Variants in ZBTB17 observed in about 807,000 individuals in gnomAD.
ZBTB17 encodes the protein zinc finger and BTB domain-containing protein 17.
In ZBTB17, 24 loss-of-function variants were observed where a neutral mutation model predicts 85.1. The ratio of observed to expected loss-of-function variants is 0.28; its 90% CI spans 0.20 to 0.40. The LOEUF (loss-of-function observed/expected upper bound fraction) is 0.40, where lower values mean the gene tolerates loss of function less well. Ranked by LOEUF, ZBTB17 falls within the 10% of genes least tolerant of loss-of-function variation. The pLI, the probability that ZBTB17 is intolerant of heterozygous loss-of-function variation, is 1.00. For synonymous variants in ZBTB17, 464 were observed against 460.2 expected, an observed-to-expected ratio of 1.01 and a Z score of -0.11; for missense variants, 743 against 1,105.1, an observed-to-expected ratio of 0.67 and a Z score of 4.65.
intron 2 of ZBTB17, among the ~76,000 whole-genome samples, chr1:15,949,292 C>T (rs1036521980): frequency 1.3e-5 from 2 of 152,206 alleles, no homozygotes; most frequent in African/African-American, 4.8e-5. Context: ...GCCGAGCAGT[C>T]TTGAACCGCA....
chr1:15,961,108 C>T lies in ZBTB17; in HGVS notation c.-3+11931G>A, dbSNP rs546141150. 8.6e-5 allele frequency among the ~76,000 whole-genome samples: 13 copies of T among 151,838 alleles called. No individual in the cohort carries two copies. The South Asian group carries it at 2.3e-3, about 27-fold the overall frequency. The stretch of plus-strand genomic sequence containing the variant: ...CAGCCTGGGCAACAGAGTGAGACCC[C>T]GTCTCAAAAAAAGAAAAAAGATTTA... On this transcript the variant is annotated intron_variant, in intron 2 of 15. Transcript: ENST00000375743.
At chr1:15,958,303 C>T (rs933427062) in intron 2 of ZBTB17, among the ~76,000 whole-genome samples, 64 of 151,978 alleles carry the variant, frequency 4.2e-4, no homozygotes, top group Non-Finnish European at 5.7e-4. Context: ...CCCAAGTGAC[C>T]TCCCTGCACC....
chr1:15,959,034 A>ACC (rs2148793562), intron 2 of ZBTB17, among the ~76,000 whole-genome samples: 1 of 152,224 alleles, frequency 6.6e-6, no homozygotes, highest in East Asian at 1.9e-4. Context: ...GGATGATGTC[A>ACC]CCCCCAGGTG....
At chr1:15,948,593 AAGAC>A (rs2071708827) in intron 2 of ZBTB17, 96 bp from the exon 3 acceptor site, 1 of 1,302,262 alleles carries the variant, frequency 7.7e-7, no homozygotes, top group Admixed American at 2.4e-5. Flanking sequence ...CACCATGGAG[AAGAC>A]AGAATTAAAA....
rs563409303 is a variant in ZBTB17, at chr1:15,951,126, G to A, written c.-2-2629C>T. Among the ~76,000 whole-genome samples, 107 of 152,340 alleles carry A rather than the reference G, an allele frequency of 7.0e-4. No homozygotes were observed. Among genetic ancestry groups the A allele is most frequent in the African/African-American group, 2.4e-3 (101 of 41,578 alleles). On this transcript the variant is annotated intron_variant, in intron 2 of 15. Coordinates refer to ENST00000375743, the MANE Select transcript of ZBTB17 (RefSeq NM_003443.3). The surrounding 1 kb of genome is among the most constrained non-coding windows in gnomAD (Gnocchi z 4.1). The stretch of plus-strand genomic sequence containing the variant: ...TGCACTTTTCCAATGCAAGATGCCC[G>A]CCCAGAAGTGGGCTCCTCCCACACA...
At chr1:15,961,184 A>G (rs2072245824) in intron 2 of ZBTB17, among the ~76,000 whole-genome samples, 1 of 152,240 alleles carries the variant, frequency 6.6e-6, no homozygotes, top group Non-Finnish European at 1.5e-5. Flanking sequence ...GCTGCCATGC[A>G]TTCGAAGTAT....
intron 1 of ZBTB17, among the ~76,000 whole-genome samples, chr1:15,975,491 C>CGAAT (rs1437103868): frequency 2.6e-5 from 4 of 152,178 alleles, no homozygotes; most frequent in African/African-American, 7.2e-5. Flanking sequence ...GTCCGCAGTA[C>CGAAT]GAATGAATGA....
chr1:15,942,263 G>C lies in ZBTB17; in HGVS notation c.2129-11C>G. On this transcript the variant is annotated splice_polypyrimidine_tract_variant and intron_variant, in intron 15 of 15. Coordinates refer to ENST00000375743, the MANE Select transcript of ZBTB17 (RefSeq NM_003443.3). Reference sequence around the variant, plus strand: ...TGTGAGTGTTGGGGTCTGTGGAGGTGGGGCAGCAGTCAGAGTGGGAAGGAC... The same window carrying C: ...TGTGAGTGTTGGGGTCTGTGGAGGTCGGGCAGCAGTCAGAGTGGGAAGGAC... The C allele has an allele frequency of 6.2e-7, 1 of 1,613,102 alleles. No homozygotes were observed. The highest frequency in any genetic ancestry group is 8.5e-7 in the Non-Finnish European group (1 of 1,179,354).
At chr1:15,975,596 A>C (rs970064725) in intron 1 of ZBTB17, among the ~76,000 whole-genome samples, 4 of 150,648 alleles carry the variant, frequency 2.7e-5, no homozygotes, top group East Asian at 4.0e-4. Flanking sequence ...GCCGGCCGAC[A>C]GGAGCTGCCC....
intron 2 of ZBTB17, among the ~76,000 whole-genome samples, chr1:15,971,415 CACTA>C (rs1401437876): frequency 2.2e-5 from 3 of 136,994 alleles, no homozygotes; most frequent in South Asian, 4.4e-4. Context: ...TATACACACA[CACTA>C]TATATATATA....
intron 2 of ZBTB17, among the ~76,000 whole-genome samples, chr1:15,957,520 G>A (rs1381353879): frequency 6.6e-6 from 1 of 152,090 alleles, no homozygotes; most frequent in African/African-American, 2.4e-5. Flanking sequence ...GGGACACAGC[G>A]GACTTTGGAT....
chr1:15,975,398 A>G (rs560455342), intron 1 of ZBTB17, among the ~76,000 whole-genome samples: 12 of 151,482 alleles, frequency 7.9e-5, no homozygotes, highest in African/African-American at 2.9e-4. Flanking sequence ...CACACTCCTA[A>G]CTCCAGGATC....
intron 4 of ZBTB17, among the ~76,000 whole-genome samples, chr1:15,946,534 A>G (rs1173629170): frequency 6.6e-6 from 1 of 152,228 alleles, no homozygotes; most frequent in Non-Finnish European, 1.5e-5. Flanking sequence ...TGCAGACCCC[A>G]TGTGTGCACT....
At chr1:15,975,256 A>G (rs919337607) in intron 1 of ZBTB17, among the ~76,000 whole-genome samples, 6 of 152,130 alleles carry the variant, frequency 3.9e-5, no homozygotes, top group African/African-American at 1.4e-4. Context: ...CTTTATTACA[A>G]TCTTAGGAGG....
chr1:15,945,073 T>G lies in ZBTB17; in HGVS notation c.791A>C (p.Glu264Ala). 2.5e-6 allele frequency: 4 copies of G among 1,611,814 alleles called. No individual in the cohort carries two copies. Among genetic ancestry groups the G allele is most frequent in the Non-Finnish European group, 2.5e-6 (3 of 1,179,320 alleles). ...GSQLENGEAP[E>A]ENENEESAGT... ...CGCTGACTCCTCATTCTCGTTCTCC[T>G]CGGGGGCCTCTCCGTTCTCCAGCTG... The change falls in exon 7 of 16, where the codon GAG becomes GCG. Residue 264 changes from glutamate (E) to alanine (A), a missense_variant. Transcript: ENST00000375743.
At position 15,945,835 on chromosome 1, in the gene ZBTB17, C is replaced by G. The variant is rs1366653209; in HGVS notation, c.541G>C (p.Glu181Gln). The change falls in exon 6 of 16, where the codon GAG becomes CAG. Residue 181 changes from glutamate to glutamine, a missense_variant. By Grantham distance (29) the Glu-to-Gln change is conservative. Coordinates refer to ENST00000375743, the MANE Select transcript of ZBTB17 (RefSeq NM_003443.3). ...GQAQSAASGA[E>Q]QTEKADAPRE... is the part of the protein sequence containing the mutation. Reference sequence around the variant, plus strand: ...GGCGCATCGGCTTTCTCTGTCTGCTCTGCACCTGGGTGGGGGAAGCACCGG... The same window carrying G: ...GGCGCATCGGCTTTCTCTGTCTGCTGTGCACCTGGGTGGGGGAAGCACCGG... 1 of 1,595,714 alleles carries G rather than the reference C, an allele frequency of 6.3e-7. No homozygotes were observed. Among genetic ancestry groups the G allele is most frequent in the Admixed American group, 1.7e-5 (1 of 59,568 alleles).
At chr1:15,959,542 A>AG in intron 2 of ZBTB17, among the ~76,000 whole-genome samples, 1 of 107,084 alleles carries the variant, frequency 9.3e-6, no homozygotes, top group East Asian at 2.9e-4. Flanking sequence ...GAAGGGAGGG[A>AG]GGAGAGGGAG....
chr1:15,965,136 C>A (rs1422113173), intron 2 of ZBTB17, among the ~76,000 whole-genome samples: 1 of 150,776 alleles, frequency 6.6e-6, no homozygotes, highest in Non-Finnish European at 1.5e-5. Context: ...AAAAGAATTT[C>A]TGCTCATCAA....
intron 2 of ZBTB17, among the ~76,000 whole-genome samples, chr1:15,970,381 AAAAGG>A (rs905441041): frequency 3.9e-5 from 6 of 151,958 alleles, no homozygotes; most frequent in African/African-American, 1.4e-4. Context: ...AAAAAAAAAA[AAAAGG>A]AAGAGCCTTT....
Sources: allele counts gnomAD v4.1 joint callset (sites outside exome capture counted in the v4.1 genomes callset), GRCh38; gene constraint gnomAD v4.1.1; non-coding constraint Gnocchi (gnomAD v3.1); transcripts MANE v1.5; gene names NCBI Gene and HGNC (gene_info 2026-07-23, HGNC 2026-07-21).